Variants in GNAI1 observed in about 807,000 individuals in gnomAD.
GNAI1 encodes guanine nucleotide-binding protein G(i) subunit alpha-1.
GNAI1 carries 11 observed loss-of-function variants against 38.9 expected under a neutral mutation model. The ratio of observed to expected loss-of-function variants is 0.28; its 90% confidence interval spans 0.18 to 0.47. The LOEUF (loss-of-function observed/expected upper bound fraction) is 0.47. Ranked by LOEUF, GNAI1 falls within the 20% of genes least tolerant of loss-of-function variation. The pLI is 0.99. For missense variants in GNAI1, 317 were observed against 436.9 expected (o/e 0.73, Z 2.45); for synonymous variants, 166 against 145.1 (o/e 1.14, Z -1.04).
intron 1 of GNAI1, among the ~76,000 whole-genome samples, chr7:80,156,642 C>T (rs1787823516): frequency 6.6e-6 from 1 of 152,082 alleles, no homozygotes; most frequent in African/African-American, 2.4e-5. Flanking sequence ...CTCTGTTTCC[C>T]AGGCTGGTCT....
chr7:80,163,312 G>A (rs1787954663), intron 1 of GNAI1, among the ~76,000 whole-genome samples: 2 of 152,062 alleles, frequency 1.3e-5, no homozygotes, highest in South Asian at 2.1e-4. Context: ...CCCTTCTGTG[G>A]GTAGGTTCAT....
chr7:80,135,301 C>T lies in GNAI1; in HGVS notation c.118+23C>T, dbSNP rs1787389689. 6 of 1,351,480 alleles carry T rather than the reference C, an allele frequency of 4.4e-6. No homozygotes were observed. In the East Asian group the frequency reaches 1.5e-4, roughly 34 times the overall value. 83.7% of individuals were successfully genotyped at this position (1,351,480 alleles called of 1,614,324 possible). ...TCGGTAAGGGCGGCCGGGTCGGGGC[C>T]CGGGGGTCGGCGGGGGACCGGGTGC... On this transcript the variant is annotated intron_variant, in intron 1 of 7. Transcript: ENST00000649796.
chr7:80,199,135 T>C (rs1584044917), intron 3 of GNAI1, 90 bp from the exon 4 acceptor site: 3 of 219,294 alleles, frequency 1.4e-5, no homozygotes, highest in Non-Finnish European at 1.4e-5. Flanking sequence ...CGCTATTGCC[T>C]TTTTTTTTTT....
intron 5 of GNAI1, among the ~76,000 whole-genome samples, chr7:80,209,526 CTAA>C (rs1238699927): frequency 6.6e-6 from 1 of 152,100 alleles, no homozygotes; most frequent in Non-Finnish European, 1.5e-5. Flanking sequence ...ACAGCAACAT[CTAA>C]ATAAGTGTTT....
chr7:80,154,811 T>A (rs923343061), intron 1 of GNAI1, among the ~76,000 whole-genome samples: 2 of 152,240 alleles, frequency 1.3e-5, no homozygotes, highest in Non-Finnish European at 2.9e-5. Flanking sequence ...TTATTGTCAG[T>A]GGAGCTTTGG....
At chr7:80,161,862 T>C (rs1201282404) in intron 1 of GNAI1, among the ~76,000 whole-genome samples, 1 of 152,172 alleles carries the variant, frequency 6.6e-6, no homozygotes, top group African/African-American at 2.4e-5. Context: ...TGAAAGTCAC[T>C]GGAAAGATGC....
chr7:80,155,516 T>A (rs1787803296), intron 1 of GNAI1, among the ~76,000 whole-genome samples: 1 of 152,212 alleles, frequency 6.6e-6, no homozygotes, highest in Non-Finnish European at 1.5e-5. Flanking sequence ...TCATCAGGAT[T>A]AAACAAACTT....
intron 1 of GNAI1, among the ~76,000 whole-genome samples, chr7:80,158,458 G>A (rs1462098584): frequency 1.3e-5 from 2 of 152,134 alleles, no homozygotes; most frequent in Non-Finnish European, 2.9e-5. Context: ...CCTGGTGGGA[G>A]GTAATTCAAC....
At chr7:80,196,866 G>C (rs1370142900) in intron 3 of GNAI1, among the ~76,000 whole-genome samples, 2 of 151,804 alleles carry the variant, frequency 1.3e-5, no homozygotes, top group Non-Finnish European at 2.9e-5. Context: ...TAGTAAAATT[G>C]TTACTATAGT....
chr7:80,174,650 ATGTTTATATATT>A (rs1295131461), intron 1 of GNAI1, among the ~76,000 whole-genome samples: 2 of 151,486 alleles, frequency 1.3e-5, no homozygotes, highest in East Asian at 3.9e-4. Flanking sequence ...TTATGTTTAC[ATGTTTATATATT>A]TGTTTATATA....
rs117423417 is a variant in GNAI1, at chr7:80,160,029, A to T, written c.118+24751A>T. Among the ~76,000 whole-genome samples, 1,517 of 152,226 alleles carry T rather than the reference A, an allele frequency of 1.0e-2. 20 individuals are homozygous for T. Among genetic ancestry groups the T allele is most frequent in the South Asian group, 0.028 (135 of 4,816 alleles). On this transcript the variant is annotated intron_variant, in intron 1 of 7. Coordinates refer to ENST00000649796, the MANE Select transcript of GNAI1 (RefSeq NM_002069.6). ...TTATTAACTATCAGTAAATAAAGGA[A>T]TCCCTCCTGTTACTTGGCTTTAAGG...
In GNAI1 at chr7:80,175,364, A is replaced by ATGTGTGTGTGTG. The variant is rs71518972; in HGVS notation, c.119-13577_119-13566dup. ...TTAAAAAATATATATGTGTATATTT[A>ATGTGTGTGTGTG]TGTGTGTGTGTGTGTGTGTGTATAA... On this transcript the variant is annotated intron_variant, in intron 1 of 7. Coordinates refer to ENST00000649796, the MANE Select transcript of GNAI1 (RefSeq NM_002069.6). Among the ~76,000 whole-genome samples, 81 of 150,482 alleles carry ATGTGTGTGTGTG rather than the reference A, an allele frequency of 5.4e-4. 1 individual carries two copies. The highest frequency in any genetic ancestry group is 6.8e-3 in the Middle Eastern group (2 of 292).
At chr7:80,176,923 G>A (rs1162937719) in intron 1 of GNAI1, among the ~76,000 whole-genome samples, 6 of 136,776 alleles carry the variant, frequency 4.4e-5, no homozygotes, top group Admixed American at 1.4e-4. Context: ...GGCGACAAGG[G>A]GAGACTCTGT....
intron 1 of GNAI1, among the ~76,000 whole-genome samples, chr7:80,157,956 A>G (rs1294206999): frequency 6.6e-6 from 1 of 152,094 alleles, no homozygotes; most frequent in Non-Finnish European, 1.5e-5. Context: ...TGATTCATCC[A>G]CTTTGGCCTC....
At chr7:80,143,921 TGCGCGC>T (rs66492765) in intron 1 of GNAI1, among the ~76,000 whole-genome samples, 3 of 113,714 alleles carry the variant, frequency 2.6e-5, no homozygotes, top group Non-Finnish European at 6.2e-5. Flanking sequence ...TGTGTGTGTG[TGCGCGC>T]GTGTGTGTAT....
At chr7:80,189,586 A>G (rs775337673) in intron 3 of GNAI1, among the ~76,000 whole-genome samples, 6 of 152,148 alleles carry the variant, frequency 3.9e-5, no homozygotes, top group African/African-American at 7.2e-5. Flanking sequence ...TGTTTCTGCA[A>G]TTTGGAATAC....
At chr7:80,145,094 G>C (rs1352858672) in intron 1 of GNAI1, among the ~76,000 whole-genome samples, 1 of 152,108 alleles carries the variant, frequency 6.6e-6, no homozygotes, top group East Asian at 1.9e-4. Flanking sequence ...CTGCTTTAAA[G>C]ACTCCTGTGT....
intron 1 of GNAI1, among the ~76,000 whole-genome samples, chr7:80,137,775 C>G (rs980849828): frequency 6.6e-6 from 1 of 152,152 alleles, no homozygotes; most frequent in Non-Finnish European, 1.5e-5. Context: ...TCCTGGCTGT[C>G]CCTGCTGGCC....
intron 1 of GNAI1, among the ~76,000 whole-genome samples, chr7:80,173,817 TC>T (rs1426377880): frequency 6.6e-5 from 10 of 152,152 alleles, no homozygotes; most frequent in Non-Finnish European, 1.2e-4. Context: ...TTTTACTAAG[TC>T]TTGGTCGTCT....
Sources: allele counts gnomAD v4.1 joint callset (sites outside exome capture counted in the v4.1 genomes callset), GRCh38; gene constraint gnomAD v4.1.1; transcripts MANE v1.5; gene names NCBI Gene and HGNC (gene_info 2026-07-23, HGNC 2026-07-21).